THRAP3: variants seen among roughly 807,000 people sequenced by gnomAD.
The protein encoded by THRAP3 is thyroid hormone receptor associated protein 3, also known as thyroid hormone receptor-associated protein 3.
In THRAP3, 16 loss-of-function variants were observed where a neutral mutation model predicts 101.0. The ratio of observed to expected loss-of-function variants is 0.16; its 90% CI spans 0.11 to 0.24. The LOEUF is 0.24. Among genes scored for constraint, THRAP3 ranks in the 10% least tolerant of loss-of-function variants. The pLI is 1.00. For synonymous variants in THRAP3, 407 were observed against 422.6 expected (o/e 0.96, Z 0.45); for missense variants, 989 against 1,202.7 (o/e 0.82, Z 2.63).
intron 2 of THRAP3, 49 bp from the exon 3 acceptor site, chr1:36,282,484 A>G: frequency 1.4e-6 from 2 of 1,400,848 alleles, no homozygotes; most frequent in South Asian, 2.5e-5. Context: ...AGAGGTTCAC[A>G]TTTGCAAAGG....
chr1:36,249,991 G>A (rs1419430138), intron 1 of THRAP3, among the ~76,000 whole-genome samples: 1 of 152,006 alleles, frequency 6.6e-6, no homozygotes, highest in Non-Finnish European at 1.5e-5. Context: ...ATCAAATTTG[G>A]TCTCTTGTTT....
chr1:36,271,430 A>T (rs1645589759), intron 2 of THRAP3, among the ~76,000 whole-genome samples: 1 of 151,884 alleles, frequency 6.6e-6, no homozygotes, highest in South Asian at 2.1e-4. Context: ...TTACAGGTGC[A>T]TGCCAACACA....
chr1:36,278,790 G>A (rs186307432), intron 2 of THRAP3, among the ~76,000 whole-genome samples: 1,646 of 152,088 alleles, frequency 0.011, 24 homozygotes, highest in African/African-American at 0.037. Context: ...GGGCATGGTG[G>A]TGGGCGCCTG....
chr1:36,229,411 TGTTTTTTTTTTG>T (rs762320984), intron 1 of THRAP3, among the ~76,000 whole-genome samples: 3 of 25,934 alleles, frequency 1.2e-4, no homozygotes, highest in Non-Finnish European at 2.3e-4. Context: ...TTTTTTTTTT[TGTTTTTTTTTTG>T]TTTTTTTTTT....
chr1:36,278,955 A>G (rs1281263565), intron 2 of THRAP3, among the ~76,000 whole-genome samples: 3 of 152,030 alleles, frequency 2.0e-5, no homozygotes, highest in Non-Finnish European at 4.4e-5. Flanking sequence ...AATAAAATAA[A>G]ATAAATACAT....
intron 3 of THRAP3, among the ~76,000 whole-genome samples, chr1:36,284,007 C>G (rs533518493): frequency 6.6e-6 from 1 of 152,164 alleles, no homozygotes; most frequent in African/African-American, 2.4e-5. Flanking sequence ...TACCCTGTAC[C>G]CAGAATCTTG....
At chr1:36,252,966 ATAT>A (rs1557819497) in intron 1 of THRAP3, among the ~76,000 whole-genome samples, 103 of 134,654 alleles carry the variant, frequency 7.6e-4, no homozygotes, top group South Asian at 2.3e-3. Context: ...ATATATATAT[ATAT>A]AAATGTAAAT....
rs766090271 is a variant in THRAP3, at chr1:36,286,521, C to T, written c.291C>T (p.Gly97=). 90 of 1,614,070 alleles carry T rather than the reference C, an allele frequency of 5.6e-5. No individual in the cohort carries two copies. Among genetic ancestry groups the T allele is most frequent in the Non-Finnish European group, 7.5e-5 (89 of 1,180,028 alleles). The stretch of plus-strand genomic sequence containing the variant: ...GTAACAGAGGCTTTTATCCATGGGG[C>T]CAATATAACCGAGGAGGCTATGGAA... The part of the protein sequence containing the change: ...RGRNRGFYPW[G]QYNRGGYGNY... The change falls in exon 4 of 12, where the codon GGC becomes GGT. Residue 97 remains glycine, a synonymous_variant. Transcript: ENST00000354618. The surrounding 1 kb of genome is among the most constrained non-coding windows in gnomAD (Gnocchi z 5.5).
intron 2 of THRAP3, among the ~76,000 whole-genome samples, chr1:36,280,641 AGTTTGGGCCTG>A (rs1305131778): frequency 5.9e-5 from 9 of 152,294 alleles, no homozygotes; most frequent in African/African-American, 1.9e-4. Flanking sequence ...TAGGCCCTGG[AGTTTGGGCCTG>A]GTTTGGCTAT....
In THRAP3 at chr1:36,286,229, T is replaced by C; in HGVS notation, c.138-139T>C. On this transcript the variant is annotated intron_variant, in intron 3 of 11. Transcript: ENST00000354618. This position sits in a 1 kb window ranked among gnomAD's most constrained non-coding sequence, Gnocchi z 5.5. ...TAGTAAGGGCCATACGTAGTGGGAT[T>C]AAATATTTGTGCCCTTGCTTTGAAA... is the stretch of plus-strand genomic sequence containing the variant. 1 of 788,506 alleles carries C rather than the reference T, an allele frequency of 1.3e-6. No homozygotes were observed. The highest frequency in any genetic ancestry group is 2.0e-6 in the Non-Finnish European group (1 of 495,986). The allele number at this position is 788,506 out of a possible 1,614,324, so 48.8% of individuals were successfully genotyped here.
chr1:36,303,086 C>T lies in THRAP3; in HGVS notation c.2647-710C>T, dbSNP rs546427375. Among the ~76,000 whole-genome samples the T allele has an allele frequency of 3.8e-4, 58 of 150,994 alleles. 1 individual carries two copies. Among genetic ancestry groups the T allele is most frequent in the African/African-American group, 1.3e-3 (54 of 41,128 alleles). On this transcript the variant is annotated intron_variant, in intron 11 of 11. Coordinates refer to ENST00000354618, the MANE Select transcript of THRAP3 (RefSeq NM_005119.4). ...TCAGCTTCCTGAGTAGCTGGGACTA[C>T]AGGCGCACACCCCCATGCCTGGCTA...
intron 1 of THRAP3, among the ~76,000 whole-genome samples, chr1:36,253,345 C>G (rs1645331706): frequency 6.6e-6 from 1 of 152,068 alleles, no homozygotes; most frequent in Non-Finnish European, 1.5e-5. Context: ...CACAGTTAGA[C>G]AGATTTTGAA....
the THRAP3 span, among the ~76,000 whole-genome samples, chr1:36,216,735 C>T: frequency 6.6e-6 from 1 of 151,734 alleles, no homozygotes; most frequent in African/African-American, 2.4e-5. Flanking sequence ...GCTGTGATCA[C>T]GCCACTGCAC....
chr1:36,302,619 C>T (rs1470867714), intron 11 of THRAP3, among the ~76,000 whole-genome samples: 1 of 152,160 alleles, frequency 6.6e-6, no homozygotes, highest in East Asian at 1.9e-4. Flanking sequence ...AACAAGCAGC[C>T]ATGGTCAGAA....
upstream of THRAP3, among the ~76,000 whole-genome samples, chr1:36,219,447 T>C (rs929773336): frequency 6.6e-6 from 1 of 152,126 alleles, no homozygotes; most frequent in Non-Finnish European, 1.5e-5. Flanking sequence ...TTTTTTTAGA[T>C]GGGATCTCAC....
chr1:36,246,741 C>T (rs1570256728), intron 1 of THRAP3, among the ~76,000 whole-genome samples: 1 of 151,932 alleles, frequency 6.6e-6, no homozygotes, highest in Non-Finnish European at 1.5e-5. Flanking sequence ...GCTCGGGAGG[C>T]TGAGGCAGGA....
chr1:36,277,307 G>A (rs192871475), intron 2 of THRAP3, among the ~76,000 whole-genome samples: 5 of 150,608 alleles, frequency 3.3e-5, no homozygotes, highest in African/African-American at 1.2e-4. Flanking sequence ...ATGGAGTCTT[G>A]CTCTGTCACC....
At chr1:36,264,330 T>C (rs556654984) in intron 2 of THRAP3, among the ~76,000 whole-genome samples, 1 of 152,378 alleles carries the variant, frequency 6.6e-6, no homozygotes. Context: ...GCACTGTGTA[T>C]GTGCTTCCTT....
At chr1:36,282,272 C>T (rs1212105596) in intron 2 of THRAP3, among the ~76,000 whole-genome samples, 3 of 151,156 alleles carry the variant, frequency 2.0e-5, no homozygotes, top group African/African-American at 7.3e-5. Flanking sequence ...TTGCTCTTTC[C>T]TCCAGAGCTG....
Sources: allele counts gnomAD v4.1 joint callset (sites outside exome capture counted in the v4.1 genomes callset), GRCh38; gene constraint gnomAD v4.1.1; non-coding constraint Gnocchi (gnomAD v3.1); transcripts MANE v1.5; gene names NCBI Gene and HGNC (gene_info 2026-07-23, HGNC 2026-07-21).